The following NLRP5 variants were observed in gnomAD, a reference collection of about 807,000 sequenced individuals.
The protein encoded by NLRP5 is NACHT, LRR and PYD domains-containing protein 5.
Under a neutral mutation model 113.1 loss-of-function variants are expected in NLRP5, and 93 were observed. The ratio of observed to expected loss-of-function variants is 0.82; its 90% CI spans 0.70 to 0.98. The LOEUF is 0.98. Among genes scored for constraint, NLRP5 ranks in the 50% least tolerant of loss-of-function variants. The pLI is 0.00. For missense variants in NLRP5, 1,808 were observed against 1,514.3 expected (o/e 1.19, Z -3.22); for synonymous variants, 751 against 600.7 (o/e 1.25, Z -3.66).
At chr19:56,028,533 C>A in intron 7 of NLRP5, 24 bp downstream of exon 7, 1 of 1,598,498 alleles carries the variant, frequency 6.3e-7, no homozygotes, top group Non-Finnish European at 8.5e-7. Context: ...GCAGTTTTAT[C>A]CTATGCCGTG....
At chr19:56,019,944 C>T (rs1314940040) in intron 5 of NLRP5, among the ~76,000 whole-genome samples, 2 of 151,394 alleles carry the variant, frequency 1.3e-5, no homozygotes, top group African/African-American at 4.9e-5. Context: ...TCAAGCGATT[C>T]TTCTGTCTCA....
At chr19:56,033,820 T>G (rs1983213518) in intron 9 of NLRP5, 111 bp downstream of exon 9, 1 of 898,230 alleles carries the variant, frequency 1.1e-6, no homozygotes, top group Middle Eastern at 2.3e-4. Context: ...AAAGTTTTGG[T>G]GATGGATGGT....
chr19:56,033,394 A>C (rs368695821), intron 8 of NLRP5, 148 bp from the exon 9 acceptor site: 2 of 664,690 alleles, frequency 3.0e-6, no homozygotes, highest in South Asian at 1.9e-5. Flanking sequence ...TAGCTGGCCC[A>C]TCACAGGCAC....
Position 56,050,583 on chromosome 19 carries a change from C to T in NLRP5, c.3123C>T (p.Asp1041=). ...GAGAACCATCTTGTCATCTCCAGGA[C>T]CTGGAGTGAGTTTCCCATGGGCGTT... The change falls in exon 12 of 15, where the codon GAC becomes GAT. Residue 1041 remains aspartate, a synonymous_variant. Transcript: ENST00000390649. The T allele has an allele frequency of 6.2e-7, 1 of 1,613,244 alleles. No homozygotes were observed. The highest frequency in any genetic ancestry group is 8.5e-7 in the Non-Finnish European group (1 of 1,179,480).
chr19:56,020,374 G>A lies in NLRP5; in HGVS notation c.623-1G>A. ...GTATGTTGGAATTCATTCTTTTGCA[G>A]AAATTTCACAAGCTATGGAACAAGA... On this transcript the variant is annotated splice_acceptor_variant, in intron 5 of 14. Transcript: ENST00000390649. LOFTEE classifies it high-confidence loss of function. 1 of 1,612,042 alleles carries A rather than the reference G, an allele frequency of 6.2e-7. No individual in the cohort carries two copies. The highest frequency in any genetic ancestry group is 8.5e-7 in the Non-Finnish European group (1 of 1,178,784).
intron 6 of NLRP5, among the ~76,000 whole-genome samples, chr19:56,025,685 C>T (rs1182765439): frequency 1.3e-5 from 2 of 152,060 alleles, no homozygotes; most frequent in Non-Finnish European, 2.9e-5. Context: ...GCTGGGATTA[C>T]AGGGGTGAGC....
chr19:56,019,312 A>C (rs566662843), intron 4 of NLRP5, 30 bp from the exon 5 acceptor site: 6 of 1,613,622 alleles, frequency 3.7e-6, no homozygotes, highest in Non-Finnish European at 5.1e-6. Context: ...AATAAACACA[A>C]GTATGTTGGA....
rs1056168915 is a variant in NLRP5, at chr19:56,010,758, C to T, written c.508+1905C>T. 2.5e-4 allele frequency among the ~76,000 whole-genome samples: 6 copies of T among 24,178 alleles called. 1 individual carries two copies. The highest frequency in any genetic ancestry group is 2.7e-4 in the Non-Finnish European group (3 of 10,974). 15.9% of individuals were successfully genotyped at this position (24,178 alleles called of 152,430 possible). ...ACTCTGTCTCAAAAAAAAAAAAAGT[C>T]CCTTGAAACTAAGCCAACCCAATAA... On this transcript the variant is annotated intron_variant, in intron 3 of 14. Coordinates refer to ENST00000390649, the MANE Select transcript of NLRP5 (RefSeq NM_153447.4).
Position 56,028,339 on chromosome 19 carries a change from G to C in NLRP5, c.2106G>C (p.Leu702Phe). 6.2e-7 allele frequency: 1 copy of C among 1,613,958 alleles called. No individual in the cohort carries two copies. The highest frequency in any genetic ancestry group is 8.5e-7 in the Non-Finnish European group (1 of 1,179,874). The change falls in exon 7 of 15, where the codon TTG (leucine) becomes TTC (phenylalanine). Residue 702 changes from leucine (L) to phenylalanine (F), a missense_variant. Leu to Phe is a conservative substitution (Grantham distance 22). Coordinates refer to ENST00000390649, the MANE Select transcript of NLRP5 (RefSeq NM_153447.4). Reference sequence around the variant, plus strand: ...CTCAAGACAAAGAGTTTGTTCGCTTGGCATTAAACAGCTTCCAAGAAGTGT... The same window carrying C: ...CTCAAGACAAAGAGTTTGTTCGCTTCGCATTAAACAGCTTCCAAGAAGTGT...
At chr19:56,039,342 T>A (rs1208930210) in intron 10 of NLRP5, among the ~76,000 whole-genome samples, 1 of 152,194 alleles carries the variant, frequency 6.6e-6, no homozygotes, top group African/African-American at 2.4e-5. Context: ...TAGACCCATG[T>A]CAAGAGCTCA....
chr19:56,056,414 G>A (rs897613101), intron 13 of NLRP5, among the ~76,000 whole-genome samples: 5 of 152,084 alleles, frequency 3.3e-5, no homozygotes, highest in East Asian at 1.9e-4. Context: ...AAAGTTAGCC[G>A]GGCTTGGTGG....
chr19:56,012,639 T>C (rs1362439671), intron 3 of NLRP5, among the ~76,000 whole-genome samples: 1 of 148,798 alleles, frequency 6.7e-6, no homozygotes, highest in Admixed American at 6.7e-5. Flanking sequence ...TGTCTTACTT[T>C]TGCATAATTT....
intron 12 of NLRP5, among the ~76,000 whole-genome samples, chr19:56,052,268 T>C (rs1983959624): frequency 6.6e-6 from 1 of 152,020 alleles, no homozygotes; most frequent in African/African-American, 2.4e-5. Context: ...TTTTTGTTTT[T>C]GTTTCTGTTT....
At chr19:56,017,303 C>CT (rs1335109921) in intron 4 of NLRP5, among the ~76,000 whole-genome samples, 1 of 151,858 alleles carries the variant, frequency 6.6e-6, no homozygotes, top group African/African-American at 2.4e-5. Flanking sequence ...TCTTTATTCC[C>CT]TTTCTCTGCC....
chr19:56,024,684 G>A (rs1982770926), intron 6 of NLRP5, among the ~76,000 whole-genome samples: 3 of 151,664 alleles, frequency 2.0e-5, no homozygotes, highest in African/African-American at 7.3e-5. Flanking sequence ...CTTGAACCTG[G>A]GAGATGGAGG....
chr19:56,012,490 A>G (rs566205699), intron 3 of NLRP5, among the ~76,000 whole-genome samples: 15 of 145,012 alleles, frequency 1.0e-4, no homozygotes, highest in Non-Finnish European at 2.1e-4. Context: ...GCAGGTTTAC[A>G]TATCGTAAAA....
At chr19:56,005,539 C>T (rs1003104633) in intron 2 of NLRP5, among the ~76,000 whole-genome samples, 5 of 147,774 alleles carry the variant, frequency 3.4e-5, no homozygotes, top group South Asian at 2.1e-4. Flanking sequence ...CACGCACACA[C>T]GCAGGTGGCA....
At chr19:56,024,525 GTA>G (rs1982756949) in intron 6 of NLRP5, among the ~76,000 whole-genome samples, 1 of 88,322 alleles carries the variant, frequency 1.1e-5, no homozygotes, top group African/African-American at 4.5e-5. Context: ...GTATGTATAT[GTA>G]TACATATGTA....
chr19:56,061,341 G>GGGA lies in NLRP5; in HGVS notation c.3471-53_3471-51dup. On this transcript the variant is annotated intron_variant, in intron 14 of 14. Coordinates refer to ENST00000390649, the MANE Select transcript of NLRP5 (RefSeq NM_153447.4). Reference sequence around the variant, plus strand: ...TGAGGCTACCAGGAATTTTGAAGAAGGGAGAAGAGTCGAAAGCAACATCTC... The same window carrying GGGA: ...TGAGGCTACCAGGAATTTTGAAGAAGGGAGGAGAAGAGTCGAAAGCAACATCTC... The GGGA allele has an allele frequency of 1.9e-6, 3 of 1,585,174 alleles. No homozygotes were observed. In the East Asian group the frequency reaches 6.8e-5, roughly 36 times the overall value.
Sources: gnomAD v4.1 joint callset for allele counts (sites outside exome capture counted in the v4.1 genomes callset) on GRCh38, gnomAD v4.1.1 for gene constraint, MANE v1.5 for transcripts, NCBI Gene and HGNC (gene_info 2026-07-23, HGNC 2026-07-21) for gene names.